The following ZNF407 variants were observed in gnomAD, a reference collection of about 807,000 sequenced individuals.
The protein encoded by ZNF407 is zinc finger protein 407.
A neutral mutation model predicts 131.2 loss-of-function variants in ZNF407; 17 were observed. The observed-to-expected ratio is 0.13, with a 90% CI of 0.09 to 0.19. The LOEUF (loss-of-function observed/expected upper bound fraction) is 0.19. ZNF407 is among the 10% of genes least tolerant of loss of function. ZNF407 has a pLI of 1.00. For synonymous variants in ZNF407, 1,156 were observed against 1,062.0 expected (o/e 1.09, Z -1.72); for missense variants, 2,681 against 2,830.6 (o/e 0.95, Z 1.20).
chr18:74,766,057 CTGTGTCTG>C lies in ZNF407; in HGVS notation c.4803-15357_4803-15350del, dbSNP rs1216560702. On this transcript the variant is annotated intron_variant, in intron 3 of 8. Transcript: ENST00000299687. ...TGTGTGTGTGTGTGTGTGTGTGTGT[CTGTGTCTG>C]TGTGTCTGTGTGTGTGTGGCTGTGT... Among the ~76,000 whole-genome samples, 205 of 78,648 alleles carry C rather than the reference CTGTGTCTG, an allele frequency of 2.6e-3. 2 individuals are homozygous for C. Among genetic ancestry groups the C allele is most frequent in the African/African-American group, 8.7e-3 (194 of 22,238 alleles). 51.6% of individuals were successfully genotyped at this position (78,648 alleles called of 152,430 possible). A position where few individuals can be genotyped will look rare whatever the true frequency, so the allele number is the denominator to read the frequency against.
At chr18:74,854,272 T>A (rs138881724) in intron 4 of ZNF407, among the ~76,000 whole-genome samples, 248 of 152,330 alleles carry the variant, frequency 1.6e-3, no homozygotes, top group Middle Eastern at 0.014. Flanking sequence ...GTTGTTAAAT[T>A]AGTGTGTTAG....
At chr18:74,941,690 C>T (rs893641055) in intron 8 of ZNF407, among the ~76,000 whole-genome samples, 21 of 152,274 alleles carry the variant, frequency 1.4e-4, no homozygotes, top group Admixed American at 1.3e-3. Context: ...GGTCCCCCTT[C>T]GTTTCTTTCC....
intron 8 of ZNF407, among the ~76,000 whole-genome samples, chr18:75,013,356 T>G (rs1431142004): frequency 6.6e-6 from 1 of 152,152 alleles, no homozygotes; most frequent in East Asian, 1.9e-4. Context: ...GTAGTTGTCC[T>G]TTTCCTTTGC....
At chr18:74,730,849 G>T (rs1968278575) in intron 3 of ZNF407, among the ~76,000 whole-genome samples, 1 of 152,158 alleles carries the variant, frequency 6.6e-6, no homozygotes. Context: ...ATTTTGTTCA[G>T]CTGGTCATGA....
chr18:74,943,124 G>A (rs1599256608), intron 8 of ZNF407, among the ~76,000 whole-genome samples: 2 of 151,836 alleles, frequency 1.3e-5, no homozygotes, highest in South Asian at 4.2e-4. Context: ...CACCACATTA[G>A]CCAGGATGGT....
chr18:74,657,254 T>A (rs572665950), intron 3 of ZNF407, among the ~76,000 whole-genome samples: 56 of 152,244 alleles, frequency 3.7e-4, no homozygotes, highest in Middle Eastern at 6.8e-3. Flanking sequence ...TGTATAATTA[T>A]GAAAAAATGA....
intron 8 of ZNF407, among the ~76,000 whole-genome samples, chr18:75,045,242 C>G (rs148738727): frequency 0.014 from 2,091 of 152,186 alleles, 42 homozygotes; most frequent in African/African-American, 0.042. Context: ...TATAATATAA[C>G]TGGAGATGAA....
At chr18:74,681,115 A>G (rs1401546074) in intron 3 of ZNF407, among the ~76,000 whole-genome samples, 1 of 152,222 alleles carries the variant, frequency 6.6e-6, no homozygotes, top group Non-Finnish European at 1.5e-5. Flanking sequence ...ACAAGAAGAA[A>G]GAGGAGATTT....
chr18:74,901,455 C>T (rs1971523776), intron 7 of ZNF407, among the ~76,000 whole-genome samples: 1 of 152,130 alleles, frequency 6.6e-6, no homozygotes, highest in South Asian at 2.1e-4. Context: ...CACAGTGCTC[C>T]TAAAGTAGGT....
rs1984377104 is a variant in ZNF407, at chr18:74,634,985, G to A, written c.3966G>A (p.Glu1322=). 1.2e-6 allele frequency: 2 copies of A among 1,613,880 alleles called. No homozygotes were observed. The highest frequency in any genetic ancestry group is 1.7e-6 in the Non-Finnish European group (2 of 1,179,914). The change falls in exon 2 of 9, where the codon GAG becomes GAA. Residue 1322 remains glutamate (E), a synonymous_variant. Coordinates refer to ENST00000299687, the MANE Select transcript of ZNF407 (RefSeq NM_017757.3). The part of the protein sequence containing the change: ...SQHETEFILE[E]DGPASDSTVE... The stretch of plus-strand genomic sequence containing the variant: ...ATGAAACAGAATTTATTTTGGAGGA[G>A]GATGGCCCAGCTTCTGATAGCACAG...
Position 74,632,733 on chromosome 18 carries a change from T to C in ZNF407, c.1714T>C (p.Leu572=). Residue 572 remains leucine, a synonymous_variant, in exon 2 of 9, where the codon TTA becomes CTA. Transcript: ENST00000299687. ...CTTCTCTAGTATGTCAAGAAGGGAC[T>C]TAGATGAACATTTGCACAGTAACCA... ...CDFSSMSRRD[L]DEHLHSNQHQ... is the part of the protein sequence containing the mutation. 6.2e-7 allele frequency: 1 copy of C among 1,614,042 alleles called. No individual in the cohort carries two copies. Among genetic ancestry groups the C allele is most frequent in the Non-Finnish European group, 8.5e-7 (1 of 1,179,898 alleles).
At chr18:74,758,733 G>A (rs910005911) in intron 3 of ZNF407, among the ~76,000 whole-genome samples, 5 of 152,108 alleles carry the variant, frequency 3.3e-5, no homozygotes, top group African/African-American at 7.2e-5. Flanking sequence ...TCAGATTACA[G>A]ATGTGTGCTC....
intron 6 of ZNF407, among the ~76,000 whole-genome samples, chr18:74,881,605 G>A (rs183758164): frequency 1.7e-4 from 25 of 151,174 alleles, no homozygotes; most frequent in Admixed American, 1.3e-3. Context: ...CTCCCCACCC[G>A]CCTGTCTATC....
At chr18:74,819,935 A>G (rs899713005) in intron 4 of ZNF407, among the ~76,000 whole-genome samples, 8 of 152,186 alleles carry the variant, frequency 5.3e-5, no homozygotes, top group African/African-American at 9.7e-5. Flanking sequence ...TGGCCGGCGC[A>G]GTGCCTGGCC....
Position 74,719,406 on chromosome 18 carries a change from C to T in ZNF407, c.4803-62022C>T, listed in dbSNP as rs11661962. Among the ~76,000 whole-genome samples the T allele has an allele frequency of 5.0e-5, 5 of 100,722 alleles. No homozygotes were observed. The South Asian group carries it at 1.5e-3, about 29-fold the overall frequency. The allele number at this position is 100,722 out of a possible 152,430, so 66.1% of individuals were successfully genotyped here. On this transcript the variant is annotated intron_variant, in intron 3 of 8. Coordinates refer to ENST00000299687, the MANE Select transcript of ZNF407 (RefSeq NM_017757.3). Reference sequence around the variant, plus strand: ...GCTTGCTTACTTACTTACTTACTTACTTATTTATTTAGAGACGGAGTCTTG... The same window carrying T: ...GCTTGCTTACTTACTTACTTACTTATTTATTTATTTAGAGACGGAGTCTTG...
At chr18:74,601,876 G>A (rs930991300) in intron 1 of ZNF407, among the ~76,000 whole-genome samples, 1 of 152,198 alleles carries the variant, frequency 6.6e-6, no homozygotes, top group Non-Finnish European at 1.5e-5. Flanking sequence ...AGTAAATATT[G>A]TGGAATTTAA....
chr18:74,660,459 G>A (rs1213828646), intron 3 of ZNF407, among the ~76,000 whole-genome samples: 2 of 152,068 alleles, frequency 1.3e-5, no homozygotes, highest in African/African-American at 2.4e-5. Flanking sequence ...CTGTCATGTC[G>A]TAATGTGATA....
chr18:74,663,409 A>G (rs1422075198), intron 3 of ZNF407, among the ~76,000 whole-genome samples: 1 of 152,196 alleles, frequency 6.6e-6, no homozygotes, highest in Non-Finnish European at 1.5e-5. Flanking sequence ...GGAGGGATAT[A>G]TCATAGAGTA....
At chr18:74,786,793 GTTTTTTT>G (rs869103622) in intron 4 of ZNF407, among the ~76,000 whole-genome samples, 8 of 89,358 alleles carry the variant, frequency 9.0e-5, no homozygotes, top group African/African-American at 3.6e-4. Context: ...AAAAAAGTAT[GTTTTTTT>G]TTTTTTTTTT....
Sources: gnomAD v4.1 joint callset for allele counts (sites outside exome capture counted in the v4.1 genomes callset) on GRCh38, gnomAD v4.1.1 for gene constraint, MANE v1.5 for transcripts, NCBI Gene and HGNC (gene_info 2026-07-23, HGNC 2026-07-21) for gene names.